Variants in SEMA6D observed in about 807,000 individuals in gnomAD.
SEMA6D encodes the protein semaphorin 6D.
A neutral mutation model predicts 106.6 loss-of-function variants in SEMA6D; 35 were observed. That is an observed-to-expected ratio of 0.33 (90% confidence interval 0.25 to 0.44). SEMA6D has a LOEUF of 0.44. SEMA6D is among the 20% of genes least tolerant of loss of function. SEMA6D has a pLI of 1.00. For synonymous variants in SEMA6D, 499 were observed against 487.7 expected (o/e 1.02, Z -0.31); for missense variants, 1,185 against 1,345.9 (o/e 0.88, Z 1.87).
chr15:47,590,893 C>G (rs759586456), intron 3 of SEMA6D, among the ~76,000 whole-genome samples: 1 of 152,152 alleles, frequency 6.6e-6, no homozygotes, highest in Non-Finnish European at 1.5e-5. Context: ...TGTGAGCCAC[C>G]CAGTTTGTGG....
chr15:47,352,705 G>A (rs929899041), intron 1 of SEMA6D, among the ~76,000 whole-genome samples: 2 of 152,210 alleles, frequency 1.3e-5, no homozygotes, highest in African/African-American at 4.8e-5. Context: ...AGATAGGGGT[G>A]AAGGCTTTAG....
chr15:47,744,750 G>T (rs935212470), intron 1 of SEMA6D, among the ~76,000 whole-genome samples: 1 of 152,194 alleles, frequency 6.6e-6, no homozygotes, highest in African/African-American at 2.4e-5. Flanking sequence ...CTGTCTCAGG[G>T]TACAGAGGGA....
At chr15:47,520,919 A>C (rs1218924801) in intron 3 of SEMA6D, among the ~76,000 whole-genome samples, 1 of 152,164 alleles carries the variant, frequency 6.6e-6, no homozygotes, top group African/African-American at 2.4e-5. Context: ...GTCTCCAAGA[A>C]TTGAAGAGAA....
intron 4 of SEMA6D, among the ~76,000 whole-genome samples, chr15:47,635,642 G>A (rs1465828325): frequency 2.6e-5 from 4 of 152,174 alleles, no homozygotes; most frequent in Non-Finnish European, 5.9e-5. Context: ...AACCTGTGTT[G>A]TCTGCAATAA....
chr15:47,569,097 C>G (rs1482125141), intron 3 of SEMA6D, among the ~76,000 whole-genome samples: 1 of 152,056 alleles, frequency 6.6e-6, no homozygotes, highest in Admixed American at 6.5e-5. Flanking sequence ...TAATTTTGAT[C>G]TGTTTTCATG....
intron 3 of SEMA6D, among the ~76,000 whole-genome samples, chr15:47,561,730 TATTA>T (rs1487372822): frequency 6.7e-6 from 1 of 148,570 alleles, no homozygotes; most frequent in Non-Finnish European, 1.5e-5. Context: ...TTCAATTTCT[TATTA>T]ATTTTAAAAT....
At chr15:47,694,464 A>G (rs1005709344) in intron 4 of SEMA6D, among the ~76,000 whole-genome samples, 3 of 152,064 alleles carry the variant, frequency 2.0e-5, no homozygotes, top group African/African-American at 4.8e-5. Flanking sequence ...CAAACCATAC[A>G]TTTAGAAAAA....
chr15:47,284,382 G>C (rs561112316), intron 1 of SEMA6D, among the ~76,000 whole-genome samples: 1 of 152,128 alleles, frequency 6.6e-6, no homozygotes, highest in Non-Finnish European at 1.5e-5. Context: ...ATGTCACTGG[G>C]CCCCCGTTTC....
intron 4 of SEMA6D, among the ~76,000 whole-genome samples, chr15:47,671,615 T>C (rs2078139212): frequency 6.6e-6 from 1 of 152,138 alleles, no homozygotes; most frequent in African/African-American, 2.4e-5. Flanking sequence ...ATTCAAGTAG[T>C]CAGTGAGCAG....
chr15:47,377,485 C>G (rs4624112), intron 1 of SEMA6D, among the ~76,000 whole-genome samples: 1 of 151,980 alleles, frequency 6.6e-6, no homozygotes, highest in Non-Finnish European at 1.5e-5. Context: ...CCTGGAGACA[C>G]GTATCAGAGC....
At chr15:47,455,374 C>G (rs1013399760) in intron 2 of SEMA6D, among the ~76,000 whole-genome samples, 2 of 151,894 alleles carry the variant, frequency 1.3e-5, no homozygotes, top group African/African-American at 4.8e-5. Context: ...TTTCATTCTT[C>G]TTTTTTAGTT....
chr15:47,375,498 C>A (rs1037972791), intron 1 of SEMA6D, among the ~76,000 whole-genome samples: 3 of 151,964 alleles, frequency 2.0e-5, no homozygotes, highest in African/African-American at 7.2e-5. Context: ...TACTTTTTTT[C>A]CTTCAATATG....
chr15:47,290,907 G>A (rs1424069436), intron 1 of SEMA6D, among the ~76,000 whole-genome samples: 5 of 152,190 alleles, frequency 3.3e-5, no homozygotes, highest in African/African-American at 4.8e-5. Flanking sequence ...TAACAGAGTT[G>A]TATAATTCAG....
intron 3 of SEMA6D, among the ~76,000 whole-genome samples, chr15:47,599,348 G>T (rs1446774817): frequency 6.6e-6 from 1 of 151,946 alleles, no homozygotes; most frequent in African/African-American, 2.4e-5. Context: ...CCCTTGTCTT[G>T]TCTGAAAGGT....
chr15:47,567,348 A>G (rs902031110), intron 3 of SEMA6D, among the ~76,000 whole-genome samples: 5 of 152,348 alleles, frequency 3.3e-5, no homozygotes, highest in Non-Finnish European at 5.9e-5. Context: ...AGTGAGGAAA[A>G]ATATGTATGC....
intron 3 of SEMA6D, among the ~76,000 whole-genome samples, chr15:47,600,193 C>A (rs1351923330): frequency 6.6e-6 from 1 of 152,126 alleles, no homozygotes; most frequent in Non-Finnish European, 1.5e-5. Flanking sequence ...ATACCTAACT[C>A]AGCAATAGCT....
intron 1 of SEMA6D, among the ~76,000 whole-genome samples, chr15:47,332,501 A>G (rs143844160): frequency 1.7e-3 from 264 of 152,316 alleles, no homozygotes; most frequent in African/African-American, 5.9e-3. Flanking sequence ...ACTTGGGAAC[A>G]TGTCCCTAGG....
chr15:47,576,853 G>A (rs748578512), intron 3 of SEMA6D, among the ~76,000 whole-genome samples: 8 of 152,080 alleles, frequency 5.3e-5, no homozygotes, highest in Non-Finnish European at 8.8e-5. Context: ...CGCGGCTCTC[G>A]GATCTGAGCA....
intron 1 of SEMA6D, chr15:47,359,758 T>C (rs1328486040): frequency 6.6e-6 from 1 of 152,164 alleles, no homozygotes; most frequent in South Asian, 2.1e-4. Flanking sequence ...GTAGAATGGC[T>C]TTTCATTCAG....
Sources: allele counts gnomAD v4.1 joint callset (sites outside exome capture counted in the v4.1 genomes callset), GRCh38; gene constraint gnomAD v4.1.1; transcripts MANE v1.5; gene names NCBI Gene and HGNC (gene_info 2026-07-23, HGNC 2026-07-21).